Variants in SPIRE1 observed in about 807,000 individuals in gnomAD.
The protein encoded by SPIRE1 is spire type actin nucleation factor 1.
A neutral mutation model predicts 94.1 loss-of-function variants in SPIRE1; 40 were observed. The observed-to-expected ratio is 0.43, with a 90% CI of 0.33 to 0.55. The LOEUF is 0.55. Among genes scored for constraint, SPIRE1 ranks in the 20% least tolerant of loss-of-function variants. SPIRE1 has a pLI of 0.06. For synonymous variants in SPIRE1, 376 were observed against 371.7 expected (o/e 1.01, Z -0.13); for missense variants, 838 against 975.2 (o/e 0.86, Z 1.87).
chr18:12,563,648 T>G (rs994979177), intron 2 of SPIRE1, among the ~76,000 whole-genome samples: 2 of 152,222 alleles, frequency 1.3e-5, no homozygotes, highest in African/African-American at 4.8e-5. Context: ...TATTGTCCTT[T>G]TCCATGTTAT....
At chr18:12,501,073 AAAAAAAAAAAAAAAAAAAAAAAG>A (rs907097524) in intron 6 of SPIRE1, among the ~76,000 whole-genome samples, 7 of 16,658 alleles carry the variant, frequency 4.2e-4, no homozygotes, top group African/African-American at 1.1e-3. Flanking sequence ...ACTCTGTCTC[AAAAAAAAAAAAAAAAAAAAAAAG>A]AAAAAAAAAA....
At chr18:12,594,023 A>G (rs1037474647) in intron 2 of SPIRE1, among the ~76,000 whole-genome samples, 3 of 152,188 alleles carry the variant, frequency 2.0e-5, no homozygotes, top group African/African-American at 7.2e-5. Flanking sequence ...CCTAGGAATT[A>G]GTATAAAATG....
chr18:12,624,084 C>T (rs2037552359), intron 2 of SPIRE1, among the ~76,000 whole-genome samples: 1 of 148,830 alleles, frequency 6.7e-6, no homozygotes, highest in Non-Finnish European at 1.5e-5. Context: ...TCACCACACC[C>T]AACTAATTTT....
At chr18:12,493,800 A>G (rs1465006429) in intron 7 of SPIRE1, among the ~76,000 whole-genome samples, 1 of 152,234 alleles carries the variant, frequency 6.6e-6, no homozygotes, top group East Asian at 1.9e-4. Context: ...GGCTTGCTCA[A>G]CTAATTTTAA....
intron 2 of SPIRE1, among the ~76,000 whole-genome samples, chr18:12,568,481 T>TTCCCAATGGAAA (rs2035873623): frequency 6.6e-6 from 1 of 152,224 alleles, no homozygotes; most frequent in Non-Finnish European, 1.5e-5. Context: ...CCTCTTGCTC[T>TTCCCAATGGAAA]AAAGAATCTC....
At chr18:12,637,002 AAG>A (rs146719878) in intron 1 of SPIRE1, among the ~76,000 whole-genome samples, 1 of 152,038 alleles carries the variant, frequency 6.6e-6, no homozygotes, top group Admixed American at 6.6e-5. Context: ...GCATGGGGGG[AAG>A]AGAGAGAGGG....
At chr18:12,569,451 T>C (rs2035905192) in intron 2 of SPIRE1, among the ~76,000 whole-genome samples, 1 of 152,122 alleles carries the variant, frequency 6.6e-6, no homozygotes, top group African/African-American at 2.4e-5. Context: ...GTCTAATATT[T>C]TGCCAGAAAA....
intron 2 of SPIRE1, among the ~76,000 whole-genome samples, chr18:12,572,196 G>C (rs2186906): frequency 0.077 from 11,683 of 152,086 alleles, 616 homozygotes; most frequent in Middle Eastern, 0.16. Context: ...GCTTGGGGGG[G>C]TCAATTACAC....
chr18:12,657,768 G>A lies in SPIRE1; in HGVS notation c.99C>T (p.Ala33=), dbSNP rs751955010. The A allele has an allele frequency of 3.0e-5, 40 of 1,334,796 alleles. No homozygotes were observed. Among genetic ancestry groups the A allele is most frequent in the Non-Finnish European group, 3.7e-5 (38 of 1,035,886 alleles). The allele number at this position is 1,334,796 out of a possible 1,614,324, so 82.7% of individuals were successfully genotyped here. The change falls in exon 1 of 17, where the codon GCC becomes GCT. Residue 33 remains alanine, a synonymous_variant. Coordinates refer to ENST00000409402, the MANE Select transcript of SPIRE1 (RefSeq NM_001128626.2). ...PREPGAAGGA[A]GGSRDALSLE... ...GGCTCAGCGCGTCCCGGGAGCCCCC[G>A]GCCGCGCCGCCGGCTGCCCCGGGCT...
chr18:12,512,031 A>C (rs2034049406), intron 5 of SPIRE1, among the ~76,000 whole-genome samples: 1 of 152,132 alleles, frequency 6.6e-6, no homozygotes, highest in South Asian at 2.1e-4. Context: ...GGGATTACAG[A>C]AGTGAGCTAC....
At chr18:12,497,869 G>T (rs2033516608) in intron 6 of SPIRE1, among the ~76,000 whole-genome samples, 1 of 152,162 alleles carries the variant, frequency 6.6e-6, no homozygotes, top group African/African-American at 2.4e-5. Context: ...GCAGGAATGA[G>T]AATGGATTAA....
chr18:12,541,852 C>T (rs2035023469), intron 3 of SPIRE1, among the ~76,000 whole-genome samples: 1 of 101,654 alleles, frequency 9.8e-6, no homozygotes, highest in South Asian at 3.8e-4. Flanking sequence ...CTAGTAGCCA[C>T]ATCAAAAAAA....
At chr18:12,456,840 AT>A (rs1482745846) in intron 12 of SPIRE1, among the ~76,000 whole-genome samples, 3 of 152,036 alleles carry the variant, frequency 2.0e-5, no homozygotes, top group African/African-American at 7.2e-5. Flanking sequence ...GGATATAATC[AT>A]TTTTCTTTCG....
intron 3 of SPIRE1, among the ~76,000 whole-genome samples, chr18:12,544,134 G>A (rs2035085609): frequency 6.6e-6 from 1 of 151,948 alleles, no homozygotes; most frequent in African/African-American, 2.4e-5. Context: ...ATTTCTAATA[G>A]AATTGGTAGT....
intron 2 of SPIRE1, among the ~76,000 whole-genome samples, chr18:12,565,577 T>A (rs1247808512): frequency 3.3e-5 from 5 of 151,894 alleles, no homozygotes; most frequent in African/African-American, 1.2e-4. Context: ...TTTCACCACG[T>A]TGGTCAAGCT....
At chr18:12,489,295 C>T (rs952645008) in intron 8 of SPIRE1, among the ~76,000 whole-genome samples, 1 of 152,184 alleles carries the variant, frequency 6.6e-6, no homozygotes, top group African/African-American at 2.4e-5. Context: ...CTTCTAAACT[C>T]CTATATTACC....
At chr18:12,610,681 G>A (rs903482386) in intron 2 of SPIRE1, among the ~76,000 whole-genome samples, 4 of 152,082 alleles carry the variant, frequency 2.6e-5, no homozygotes, top group African/African-American at 9.7e-5. Flanking sequence ...TGAATCTTGT[G>A]TGGGTCATTA....
At chr18:12,573,465 T>C (rs1277447388) in intron 2 of SPIRE1, among the ~76,000 whole-genome samples, 1 of 152,228 alleles carries the variant, frequency 6.6e-6, no homozygotes, top group East Asian at 1.9e-4. Flanking sequence ...AATATGCTTC[T>C]TGGTATTTAC....
chr18:12,459,447 C>G (rs930209868), intron 12 of SPIRE1, among the ~76,000 whole-genome samples: 9 of 152,216 alleles, frequency 5.9e-5, no homozygotes, highest in Admixed American at 5.2e-4. Context: ...CCCACGGGCT[C>G]AGAGTGCCTG....
Sources: allele counts gnomAD v4.1 joint callset (sites outside exome capture counted in the v4.1 genomes callset), GRCh38; gene constraint gnomAD v4.1.1; transcripts MANE v1.5; gene names NCBI Gene and HGNC (gene_info 2026-07-23, HGNC 2026-07-21).